The following ASB4 variants were observed in gnomAD, a reference collection of about 807,000 sequenced individuals.
ASB4 encodes ankyrin repeat and SOCS box protein 4.
In ASB4, 35 loss-of-function variants were observed where a neutral mutation model predicts 38.6. The ratio of observed to expected loss-of-function variants is 0.91; its 90% CI spans 0.69 to 1.20. The LOEUF (loss-of-function observed/expected upper bound fraction) is 1.20. ASB4 is among the 50% of genes most tolerant of loss of function. ASB4 has a pLI of 0.00. For synonymous variants in ASB4, 195 were observed against 201.3 expected (o/e 0.97, Z 0.26); for missense variants, 557 against 527.2 (o/e 1.06, Z -0.55).
At chr7:95,507,202 C>T (rs1024802367) in intron 2 of ASB4, among the ~76,000 whole-genome samples, 7 of 151,922 alleles carry the variant, frequency 4.6e-5, no homozygotes, top group Non-Finnish European at 1.0e-4. Flanking sequence ...GAATCTCTGA[C>T]ATAGTCTCTT....
intron 1 of ASB4, among the ~76,000 whole-genome samples, chr7:95,491,961 T>C (rs1790177179): frequency 1.3e-5 from 2 of 152,346 alleles, no homozygotes; most frequent in South Asian, 2.1e-4. Context: ...ACCAAAGTTT[T>C]GCAACACAGC....
intron 2 of ASB4, among the ~76,000 whole-genome samples, chr7:95,515,369 TTTCTTTC>T (rs1790568027): frequency 2.0e-5 from 2 of 97,890 alleles, no homozygotes; most frequent in Non-Finnish European, 4.8e-5. Context: ...CTTTCTTTTC[TTTCTTTC>T]TTTTCTTTTC....
upstream of ASB4, among the ~76,000 whole-genome samples, chr7:95,484,089 T>A (rs1003796169): frequency 4.0e-5 from 6 of 150,670 alleles, no homozygotes; most frequent in African/African-American, 1.2e-4. Flanking sequence ...GCGCTTTGGA[T>A]GGCTGAGGCA....
At chr7:95,536,935 T>C (rs550655419) in intron 4 of ASB4, among the ~76,000 whole-genome samples, 1 of 152,202 alleles carries the variant, frequency 6.6e-6, no homozygotes, top group Non-Finnish European at 1.5e-5. Context: ...AAGTGACTAT[T>C]AGGCAGGAAA....
At chr7:95,515,235 C>CTTTTTT (rs1449332717) in intron 2 of ASB4, among the ~76,000 whole-genome samples, 1 of 75,504 alleles carries the variant, frequency 1.3e-5, no homozygotes, top group Non-Finnish European at 2.6e-5. Flanking sequence ...CTTTCTTTTT[C>CTTTTTT]TTTCTTTCTT....
intron 2 of ASB4, among the ~76,000 whole-genome samples, chr7:95,521,180 A>G (rs1197131079): frequency 6.6e-6 from 1 of 152,088 alleles, no homozygotes. Flanking sequence ...AGATCTTTAT[A>G]TATTCTGATT....
intron 3 of ASB4, among the ~76,000 whole-genome samples, chr7:95,532,305 G>A (rs904063640): frequency 2.0e-5 from 3 of 152,180 alleles, no homozygotes; most frequent in Non-Finnish European, 2.9e-5. Flanking sequence ...TGTAGAGGGT[G>A]TATTTCACTG....
intron 1 of ASB4, 42 bp from the exon 2 acceptor site, chr7:95,495,716 A>G: frequency 6.5e-7 from 1 of 1,546,560 alleles, no homozygotes; most frequent in Non-Finnish European, 8.7e-7. Context: ...AGCCTAGGTC[A>G]AGAAGTTAAA....
upstream of ASB4, among the ~76,000 whole-genome samples, chr7:95,477,023 T>C (rs1481018206): frequency 6.6e-6 from 1 of 152,102 alleles, no homozygotes; most frequent in Non-Finnish European, 1.5e-5. Flanking sequence ...AGGAAAGATA[T>C]GGTTTACGTG....
At chr7:95,516,138 T>A (rs1188791089) in intron 2 of ASB4, among the ~76,000 whole-genome samples, 1 of 152,176 alleles carries the variant, frequency 6.6e-6, no homozygotes, top group Non-Finnish European at 1.5e-5. Context: ...AAAATCAGTC[T>A]TCCTCAGGGT....
chr7:95,515,335 T>A (rs1790565078), intron 2 of ASB4, among the ~76,000 whole-genome samples: 1 of 139,030 alleles, frequency 7.2e-6, no homozygotes, highest in East Asian at 2.0e-4. Flanking sequence ...CTTCCTTCCT[T>A]TCTTTCTTTC....
rs1584099523 is a variant in ASB4, at chr7:95,539,037, C to T, written c.*1278C>T. 1 of 151,572 alleles carries T rather than the reference C, an allele frequency of 6.6e-6. No individual in the cohort carries two copies. Among genetic ancestry groups the T allele is most frequent in the South Asian group, 2.1e-4 (1 of 4,802 alleles). The allele number at this position is 151,572 out of a possible 1,614,324, so 9.4% of individuals were successfully genotyped here. A position where few individuals can be genotyped will look rare whatever the true frequency, so the allele number is the denominator to read the frequency against. On this transcript the variant is annotated 3_prime_UTR_variant, in exon 5 of 5. Transcript: ENST00000325885. ...AAATGTAGGTGATTAAGCTCTGGGC[C>T]TTGTGGTTTATGAGGTCAATTTTGC...
intron 1 of ASB4, among the ~76,000 whole-genome samples, chr7:95,480,865 A>T (rs764262744): frequency 1.3e-5 from 2 of 152,210 alleles, no homozygotes; most frequent in Non-Finnish European, 2.9e-5. Flanking sequence ...TGTCTGGCTC[A>T]TAGTAAGTTC....
At chr7:95,492,969 T>C (rs1187580330) in intron 1 of ASB4, among the ~76,000 whole-genome samples, 1 of 152,158 alleles carries the variant, frequency 6.6e-6, no homozygotes, top group African/African-American at 2.4e-5. Context: ...TAGAAATGTA[T>C]AAATGAATCT....
upstream of ASB4, among the ~76,000 whole-genome samples, chr7:95,481,372 A>G (rs1439957091): frequency 1.3e-5 from 2 of 151,910 alleles, no homozygotes; most frequent in African/African-American, 4.9e-5. Flanking sequence ...AAAAAAAAAC[A>G]ACAAGATGAC....
chr7:95,534,053 T>G (rs1373605459), intron 3 of ASB4, among the ~76,000 whole-genome samples: 1 of 151,424 alleles, frequency 6.6e-6, no homozygotes, highest in Non-Finnish European at 1.5e-5. Context: ...CATTTTTTGC[T>G]GACATGAATG....
At chr7:95,519,747 A>AT (rs1437782581) in intron 2 of ASB4, among the ~76,000 whole-genome samples, 1 of 152,104 alleles carries the variant, frequency 6.6e-6, no homozygotes, top group Non-Finnish European at 1.5e-5. Flanking sequence ...GAAAAGTGTA[A>AT]TTTTTTAAGG....
chr7:95,523,304 G>T (rs1310791432), intron 2 of ASB4, among the ~76,000 whole-genome samples: 3 of 152,102 alleles, frequency 2.0e-5, no homozygotes, highest in African/African-American at 7.2e-5. Flanking sequence ...AATCAAACTG[G>T]TTACAACGTT....
chr7:95,511,248 G>A (rs1790476558), intron 2 of ASB4, among the ~76,000 whole-genome samples: 1 of 151,978 alleles, frequency 6.6e-6, no homozygotes, highest in African/African-American at 2.4e-5. Flanking sequence ...TTGACAGCCC[G>A]CCCCTACCGA....
Sources: gnomAD v4.1 joint callset for allele counts (sites outside exome capture counted in the v4.1 genomes callset) on GRCh38, gnomAD v4.1.1 for gene constraint, MANE v1.5 for transcripts, NCBI Gene and HGNC (gene_info 2026-07-23, HGNC 2026-07-21) for gene names.